Variants in B3GLCT observed in about 807,000 individuals in gnomAD.
B3GLCT encodes beta-1,3-glucosyltransferase.
Under a neutral mutation model 63.4 loss-of-function variants are expected in B3GLCT, and 65 were observed. The observed-to-expected ratio is 1.03, with a 90% CI of 0.84 to 1.26. B3GLCT has a LOEUF of 1.26. Among genes scored for constraint, B3GLCT ranks in the 50% most tolerant of loss-of-function variants. The pLI is 0.00. For missense variants in B3GLCT, 577 were observed against 604.8 expected (o/e 0.95, Z 0.48); for synonymous variants, 233 against 219.2 (o/e 1.06, Z -0.55).
chr13:31,278,894 G>A (rs888612675), intron 10 of B3GLCT, among the ~76,000 whole-genome samples: 1 of 152,106 alleles, frequency 6.6e-6, no homozygotes, highest in African/African-American at 2.4e-5. Flanking sequence ...CACTTGTTGT[G>A]GAAAAAGCTG....
chr13:31,316,596 A>G (rs1875045515), intron 12 of B3GLCT, among the ~76,000 whole-genome samples: 1 of 150,886 alleles, frequency 6.6e-6, no homozygotes, highest in African/African-American at 2.4e-5. Flanking sequence ...ATTTTCTCAC[A>G]TTTGGAACAG....
Position 31,323,813 on chromosome 13 carries a change from A to G in B3GLCT, c.1247A>G (p.Asn416Ser), listed in dbSNP as rs1875458588. ...GCCAGTAAATGTCGATGCTACAGCA[A>G]TGATGCTCCCGATGATATGGTCCTG... Reference protein sequence around the residue: ...LLASKCRCYSNDAPDDMVLGM... With the variant: ...LLASKCRCYSSDAPDDMVLGM... Residue 416 changes from asparagine (N) to serine (S), a missense_variant, in exon 14 of 15, where the codon AAT (asparagine) becomes AGT (serine). By Grantham distance (46) the Asn-to-Ser change is conservative. Transcript: ENST00000343307. 1.2e-6 allele frequency: 2 copies of G among 1,614,160 alleles called. No homozygotes were observed. Among genetic ancestry groups the G allele is most frequent in the Non-Finnish European group, 8.5e-7 (1 of 1,180,014 alleles).
intron 7 of B3GLCT, among the ~76,000 whole-genome samples, chr13:31,264,874 T>C (rs1356814551): frequency 6.6e-6 from 1 of 152,228 alleles, no homozygotes; most frequent in African/African-American, 2.4e-5. Context: ...TCAAACTGGA[T>C]TAAGGAAATA....
At chr13:31,272,257 C>A (rs1429745619) in intron 8 of B3GLCT, among the ~76,000 whole-genome samples, 1 of 150,458 alleles carries the variant, frequency 6.6e-6, no homozygotes, top group Non-Finnish European at 1.5e-5. Flanking sequence ...GCTGTGTCAC[C>A]CAGGCTGGAG....
chr13:31,290,572 G>C (rs1419699505), intron 12 of B3GLCT, among the ~76,000 whole-genome samples: 3 of 152,270 alleles, frequency 2.0e-5, no homozygotes, highest in African/African-American at 7.2e-5. Flanking sequence ...GCGTGAGATG[G>C]TATCTCATTG....
intron 7 of B3GLCT, 31 bp from the exon 8 acceptor site, chr13:31,269,183 T>TA (rs3215787): frequency 2.5e-5 from 39 of 1,533,054 alleles, no homozygotes; most frequent in Non-Finnish European, 2.4e-5. Context: ...TTCTTTTGGT[T>TA]AAAAAAAATC....
At chr13:31,231,250 G>T (rs1386094135) in intron 4 of B3GLCT, among the ~76,000 whole-genome samples, 1 of 152,058 alleles carries the variant, frequency 6.6e-6, no homozygotes, top group Non-Finnish European at 1.5e-5. Flanking sequence ...GCTCTAACTG[G>T]ATTTTGCTCA....
chr13:31,211,598 T>C (rs1869262832), intron 1 of B3GLCT, among the ~76,000 whole-genome samples: 1 of 152,014 alleles, frequency 6.6e-6, no homozygotes, highest in Admixed American at 6.5e-5. Context: ...GGTTTTTTTT[T>C]TTTTAAAGGG....
At chr13:31,311,738 T>C (rs1874721069) in intron 12 of B3GLCT, 1 of 152,178 alleles carries the variant, frequency 6.6e-6, no homozygotes, top group Non-Finnish European at 1.5e-5. Flanking sequence ...TGTCAGACTT[T>C]TACTGATACT....
chr13:31,246,157 G>A (rs1011986787), intron 4 of B3GLCT, among the ~76,000 whole-genome samples: 1 of 152,040 alleles, frequency 6.6e-6, no homozygotes, highest in African/African-American at 2.4e-5. Context: ...TGTCTGTAAT[G>A]GTTACTAGGA....
chr13:31,248,364 A>C (rs901300263), intron 6 of B3GLCT, among the ~76,000 whole-genome samples: 1 of 152,222 alleles, frequency 6.6e-6, no homozygotes, highest in Non-Finnish European at 1.5e-5. Flanking sequence ...AGCACTGTGG[A>C]TGGCGGAGGC....
At chr13:31,282,950 G>A (rs542241079) in intron 10 of B3GLCT, 1 of 152,168 alleles carries the variant, frequency 6.6e-6, no homozygotes, top group African/African-American at 2.4e-5. Context: ...TGGGAAATGA[G>A]TCATACACAC....
At chr13:31,203,929 A>C (rs1428425023) in intron 1 of B3GLCT, among the ~76,000 whole-genome samples, 1 of 152,216 alleles carries the variant, frequency 6.6e-6, no homozygotes, top group African/African-American at 2.4e-5. Flanking sequence ...AAATAGTGTT[A>C]AAAAGAAAAA....
intron 4 of B3GLCT, among the ~76,000 whole-genome samples, chr13:31,232,856 T>C (rs1870452791): frequency 6.6e-6 from 1 of 152,258 alleles, no homozygotes; most frequent in Non-Finnish European, 1.5e-5. Flanking sequence ...CTATGTCTTA[T>C]GAGTTGATTC....
At chr13:31,252,110 G>T (rs894454358) in intron 6 of B3GLCT, among the ~76,000 whole-genome samples, 1 of 152,132 alleles carries the variant, frequency 6.6e-6, no homozygotes, top group Non-Finnish European at 1.5e-5. Context: ...TTCATATCCA[G>T]CCAAACTAAG....
intron 1 of B3GLCT, among the ~76,000 whole-genome samples, chr13:31,213,102 AAAGGTGAG>A (rs1869362160): frequency 6.6e-6 from 1 of 152,156 alleles, no homozygotes; most frequent in African/African-American, 2.4e-5. Flanking sequence ...TGGTGAAAAT[AAAGGTGAG>A]GGGCACTAAA....
intron 12 of B3GLCT, among the ~76,000 whole-genome samples, chr13:31,298,403 G>A (rs930279967): frequency 5.9e-5 from 9 of 152,148 alleles, no homozygotes; most frequent in Non-Finnish European, 5.9e-5. Context: ...CCCAGAGTGA[G>A]TCCACTCAGG....
intron 13 of B3GLCT, among the ~76,000 whole-genome samples, chr13:31,322,665 A>G (rs1349126745): frequency 1.3e-5 from 2 of 152,222 alleles, no homozygotes; most frequent in African/African-American, 2.4e-5. Context: ...TAAAATAATT[A>G]CATATTAAAA....
At chr13:31,298,909 T>C (rs573827197) in intron 12 of B3GLCT, among the ~76,000 whole-genome samples, 1 of 152,332 alleles carries the variant, frequency 6.6e-6, no homozygotes, top group East Asian at 1.9e-4. Flanking sequence ...TTTAAAAACA[T>C]AGTTATGGTT....
Sources: allele counts gnomAD v4.1 joint callset (sites outside exome capture counted in the v4.1 genomes callset), GRCh38; gene constraint gnomAD v4.1.1; transcripts MANE v1.5; gene names NCBI Gene and HGNC (gene_info 2026-07-23, HGNC 2026-07-21).